Variants in MAST3 observed in about 807,000 individuals in gnomAD.
The protein encoded by MAST3 is microtubule associated serine/threonine kinase 3.
In MAST3, 43 loss-of-function variants were observed where a neutral mutation model predicts 127.0. The ratio of observed to expected loss-of-function variants is 0.34; its 90% confidence interval spans 0.27 to 0.44. MAST3 has a LOEUF of 0.44. Ranked by LOEUF, MAST3 falls within the 20% of genes least tolerant of loss-of-function variation. MAST3 has a pLI of 1.00. For synonymous variants in MAST3, 785 were observed against 809.2 expected, an observed-to-expected ratio of 0.97 and a Z score of 0.51; for missense variants, 1,390 against 1,919.1, an observed-to-expected ratio of 0.72 and a Z score of 5.15.
In MAST3 at chr19:18,137,374, C is replaced by G; in HGVS notation, c.2095+13C>G. ...AGCTACTTTGACAGTAAGGAGGGAT[C>G]CCCCTGGAGGGGGGGCGGGGGGTGC... On this transcript the variant is annotated intron_variant, in intron 19 of 27. Coordinates refer to ENST00000687212, the MANE Select transcript of MAST3 (RefSeq NM_001393504.1). 6.2e-7 allele frequency: 1 copy of G among 1,610,716 alleles called. No homozygotes were observed. The highest frequency in any genetic ancestry group is 1.1e-5 in the South Asian group (1 of 90,814).
intron 1 of MAST3, among the ~76,000 whole-genome samples, chr19:18,102,578 T>C (rs2037736391): frequency 6.7e-6 from 1 of 148,186 alleles, no homozygotes; most frequent in Non-Finnish European, 1.5e-5. Context: ...GCCTCCGGGG[T>C]TCAAGGGATT....
intron 3 of MAST3, among the ~76,000 whole-genome samples, chr19:18,114,132 G>C (rs1286037760): frequency 6.6e-6 from 1 of 151,534 alleles, no homozygotes; most frequent in African/African-American, 2.4e-5. Context: ...CACAAACATG[G>C]GGTATAATAT....
chr19:18,102,702 G>A (rs1346511989), intron 1 of MAST3, among the ~76,000 whole-genome samples: 1 of 152,058 alleles, frequency 6.6e-6, no homozygotes, highest in Non-Finnish European at 1.5e-5. Flanking sequence ...GGCTGATCTT[G>A]AACTCCTGAC....
rs370028179 is a variant in MAST3 at position 18,126,663 on chromosome 19, C to T, written c.1079-1737C>T. Among the ~76,000 whole-genome samples the T allele has an allele frequency of 7.0e-4, 107 of 152,148 alleles. 2 individuals carry two copies. The East Asian group carries it at 0.018, about 26-fold the overall frequency. On this transcript the variant is annotated intron_variant, in intron 11 of 27. Coordinates refer to ENST00000687212, the MANE Select transcript of MAST3 (RefSeq NM_001393504.1). ...ACATGCCTATAGTCCTAGCTACTTG[C>T]GGGGCTGAAGTGGGAAGACTGCTTG...
rs12460856 is a variant in MAST3, at chr19:18,107,356, G to C, written c.40-231G>C. 3.9e-5 allele frequency among the ~76,000 whole-genome samples: 6 copies of C among 152,178 alleles called. No homozygotes were observed. In the East Asian group the frequency reaches 5.8e-4, roughly 15 times the overall value. On this transcript the variant is annotated intron_variant, in intron 1 of 27. Coordinates refer to ENST00000687212, the MANE Select transcript of MAST3 (RefSeq NM_001393504.1). ...CCAGGAAGAAAGGATGTTGAGTTCA[G>C]ATCTGGAGTATGAGCTGCAGTTAAT...
chr19:18,135,635 G>C, intron 17 of MAST3, 105 bp from the exon 18 acceptor site: 1 of 854,408 alleles, frequency 1.2e-6, no homozygotes. Context: ...GAGGAGGCCA[G>C]TGGCTTGGAG....
In MAST3 at chr19:18,131,893, T is replaced by A; in HGVS notation, c.1433-16T>A. On this transcript the variant is annotated splice_polypyrimidine_tract_variant and intron_variant, in intron 14 of 27. Transcript: ENST00000687212. ...GGGTGCCCCGGGCCTCATGACTACA[T>A]CCGCCCTTCTCCCAGGCGGCGACTG... 6.4e-7 allele frequency: 1 copy of A among 1,560,012 alleles called. No homozygotes were observed. Among genetic ancestry groups the A allele is most frequent in the East Asian group, 2.4e-5 (1 of 41,818 alleles).
At chr19:18,124,434 G>C (rs2040356354) in intron 10 of MAST3, 68 bp downstream of exon 10, 2 of 1,457,150 alleles carry the variant, frequency 1.4e-6, no homozygotes, top group Admixed American at 2.0e-5. Context: ...CAACAGTCCT[G>C]CCAAGATACA....
rs28583187 is a variant in MAST3, at chr19:18,147,411, G to A, written c.3327-32G>A. On this transcript the variant is annotated intron_variant, in intron 26 of 27. Coordinates refer to ENST00000687212, the MANE Select transcript of MAST3 (RefSeq NM_001393504.1). ...AGCCACCATGCCTGGCCAGGAGCAG[G>A]GGTTCTGAAGCCTCCGGTTTTCTTA... The A allele has an allele frequency of 4.8e-3, 7,664 of 1,605,592 alleles. 326 individuals carry two copies. The African/African-American group carries it at 0.092, about 19-fold the overall frequency.
In MAST3 at chr19:18,121,935, C is replaced by CGGCTTTGG. The variant is rs1373777472; in HGVS notation, c.320+15_320+22dup. 6.2e-7 allele frequency: 1 copy of CGGCTTTGG among 1,613,980 alleles called. No homozygotes were observed. Among genetic ancestry groups the CGGCTTTGG allele is most frequent in the African/African-American group, 1.3e-5 (1 of 75,048 alleles). On this transcript the variant is annotated intron_variant, in intron 5 of 27. Coordinates refer to ENST00000687212, the MANE Select transcript of MAST3 (RefSeq NM_001393504.1). ...CCTTTGCCCGGAGGTGAGTGATTGC[C>CGGCTTTGG]GGCTTTGGGAGACAGTGCGGGCACC...
At chr19:18,119,598 T>C (rs1175017773) in intron 3 of MAST3, among the ~76,000 whole-genome samples, 1 of 152,226 alleles carries the variant, frequency 6.6e-6, no homozygotes, top group Non-Finnish European at 1.5e-5. Flanking sequence ...AGGCACTGGC[T>C]GCCCTCCCGG....
rs368792175 is a variant in MAST3, at chr19:18,128,869, C to T, written c.1141C>T (p.Arg381Cys). 1.3e-4 allele frequency: 205 copies of T among 1,612,976 alleles called. No individual in the cohort carries two copies. The highest frequency in any genetic ancestry group is 1.6e-4 in the Non-Finnish European group (184 of 1,179,738). Residue 381 changes from arginine (R) to cysteine (C), a missense_variant, in exon 13 of 28, where the codon CGC becomes TGC. Physicochemically the swap from Arg to Cys is radical, Grantham distance 180. Transcript: ENST00000687212. The stretch of plus-strand genomic sequence containing the variant: ...CTAAGCCCTTCCCATCCCCTAGAGC[C>T]GCGCCCTGGTCGGCCAGTCACGGAG... ...QPPAPESPES[R>C]ALVGQSRRKP...
At chr19:18,143,152 T>TG (rs2042692214) in intron 21 of MAST3, among the ~76,000 whole-genome samples, 1 of 150,864 alleles carries the variant, frequency 6.6e-6, no homozygotes, top group African/African-American at 2.4e-5. Context: ...ATTGCAGAGA[T>TG]GGGGTCTCCT....
Position 18,123,664 on chromosome 19 carries a change from C to T in MAST3, c.633+9C>T, listed in dbSNP as rs1599752209. On this transcript the variant is annotated intron_variant, in intron 8 of 27. Coordinates refer to ENST00000687212, the MANE Select transcript of MAST3 (RefSeq NM_001393504.1). ...GGGAGAGGTTCCCCAAGGTGGGCAG[C>T]GCCTGGCGGCTGGACCAGCCCCTGC... The T allele has an allele frequency of 2.6e-6, 4 of 1,555,234 alleles. No homozygotes were observed. The highest frequency in any genetic ancestry group is 2.0e-5 in the Admixed American group (1 of 50,228).
chr19:18,101,365 C>T (rs1392649876), intron 1 of MAST3, among the ~76,000 whole-genome samples: 1 of 123,240 alleles, frequency 8.1e-6, no homozygotes, highest in East Asian at 2.4e-4. Flanking sequence ...TCCTCCTTCT[C>T]CTTCTCCTCC....
At chr19:18,143,576 TA>T (rs571620914) in intron 21 of MAST3, among the ~76,000 whole-genome samples, 186 bp from the exon 22 acceptor site, 11 of 150,824 alleles carry the variant, frequency 7.3e-5, no homozygotes, top group Non-Finnish European at 8.9e-5. Flanking sequence ...ACCCTGTCTT[TA>T]AAAAAAAAGG....
chr19:18,124,508 C>T, intron 10 of MAST3, 134 bp from the exon 11 acceptor site: 1 of 1,363,506 alleles, frequency 7.3e-7, no homozygotes, highest in Non-Finnish European at 1.0e-6. Flanking sequence ...CTAGCGTGGG[C>T]TTCCCTAAGG....
intron 11 of MAST3, among the ~76,000 whole-genome samples, chr19:18,127,190 C>T (rs2040750068): frequency 6.6e-6 from 1 of 152,030 alleles, no homozygotes; most frequent in East Asian, 1.9e-4. Flanking sequence ...ACTGAAGCTG[C>T]AGTGAGCCAT....
Position 18,149,454 on chromosome 19 carries a change from CG to C in MAST3, c.3776del (p.Gly1259AlafsTer81). ...PAPARSPRLR[R>X]GQSADKLGTG... Reference sequence around the variant, plus strand: ...ACCTGCCCGATCCCCGCGGCTGCGCCGGGGCCAGTCAGCTGACAAGCTGGGC... The same window carrying C: ...ACCTGCCCGATCCCCGCGGCTGCGCCGGGCCAGTCAGCTGACAAGCTGGGC... On this transcript the variant is annotated frameshift_variant, in exon 28 of 28. Coordinates refer to ENST00000687212, the MANE Select transcript of MAST3 (RefSeq NM_001393504.1). LOFTEE classifies it low-confidence loss of function (END_TRUNC). The surrounding 1 kb of genome is among the most constrained non-coding windows in gnomAD (Gnocchi z 5.9). 6.5e-7 allele frequency: 1 copy of C among 1,534,578 alleles called. No individual in the cohort carries two copies. The highest frequency in any genetic ancestry group is 8.8e-7 in the Non-Finnish European group (1 of 1,141,960).
Sources: allele counts gnomAD v4.1 joint callset (sites outside exome capture counted in the v4.1 genomes callset), GRCh38; gene constraint gnomAD v4.1.1; non-coding constraint Gnocchi (gnomAD v3.1); transcripts MANE v1.5; gene names NCBI Gene and HGNC (gene_info 2026-07-23, HGNC 2026-07-21).